RBFOX1: variants seen among roughly 807,000 people sequenced by gnomAD.
RBFOX1 encodes RNA binding protein fox-1 homolog 1.
RBFOX1 carries 8 observed loss-of-function variants against 57.7 expected under a neutral mutation model. That is an observed-to-expected ratio of 0.14 (90% CI 0.08 to 0.25). The LOEUF (loss-of-function observed/expected upper bound fraction) is 0.25. Ranked by LOEUF, RBFOX1 falls within the 10% of genes least tolerant of loss-of-function variation. The pLI is 1.00. For synonymous variants in RBFOX1, 326 were observed against 222.4 expected, an observed-to-expected ratio of 1.47 and a Z score of -4.15; for missense variants, 611 against 548.5, an observed-to-expected ratio of 1.11 and a Z score of -1.14.
intron 1 of RBFOX1, among the ~76,000 whole-genome samples, chr16:5,407,817 G>A (rs2066906896): frequency 6.6e-6 from 1 of 152,218 alleles, no homozygotes; most frequent in African/African-American, 2.4e-5. Flanking sequence ...CCAAAGTGCT[G>A]GGATTACAGG....
At chr16:6,442,367 C>G (rs73538160) in intron 2 of RBFOX1, among the ~76,000 whole-genome samples, 3,866 of 152,168 alleles carry the variant, frequency 0.025, 188 homozygotes, top group African/African-American at 0.089. Context: ...ACCATCCAGA[C>G]CAACATGGTG....
chr16:6,468,495 G>C lies in RBFOX1; in HGVS notation c.-64+151438G>C, dbSNP rs79113923. Among the ~76,000 whole-genome samples, 867 of 152,250 alleles carry C rather than the reference G, an allele frequency of 5.7e-3. 31 individuals carry two copies. The East Asian group carries it at 0.12, about 21-fold the overall frequency. On this transcript the variant is annotated intron_variant, in intron 2 of 15. Coordinates refer to ENST00000550418, the MANE Select transcript of RBFOX1 (RefSeq NM_018723.4). The stretch of plus-strand genomic sequence containing the variant: ...AAACAGAATTAAGTCTAGAGATTAT[G>C]AGTGATGCATCATTGTCACTCAAAC...
chr16:6,513,521 G>C (rs527956439), intron 2 of RBFOX1, among the ~76,000 whole-genome samples: 1 of 152,168 alleles, frequency 6.6e-6, no homozygotes, highest in East Asian at 1.9e-4. Context: ...ATCACCTGAG[G>C]TCAGGAGTTC....
chr16:7,388,875 A>C (rs1233549976), intron 4 of RBFOX1, among the ~76,000 whole-genome samples: 1 of 152,060 alleles, frequency 6.6e-6, no homozygotes, highest in Non-Finnish European at 1.5e-5. Context: ...ATGGAATGCA[A>C]TTTTGATAGA....
chr16:5,883,505 C>T lies in RBFOX1; in HGVS notation c.351+16170C>T, dbSNP rs577461132. On this transcript the variant is annotated intron_variant, in intron 4 of 19. Coordinates refer to the RBFOX1 transcript ENST00000641259. ...AAACTGTCTCGGAGGAACCTGCAATCCCAGATACGGGTGGCAAACCCACAG... is the reference window on the plus strand; with the variant it reads ...AAACTGTCTCGGAGGAACCTGCAATTCCAGATACGGGTGGCAAACCCACAG... Among the ~76,000 whole-genome samples the T allele has an allele frequency of 1.5e-4, 18 of 123,404 alleles. No individual in the cohort carries two copies. The South Asian group carries it at 2.7e-3, about 19-fold the overall frequency. The allele number at this position is 123,404 out of a possible 152,430, so 81.0% of individuals were successfully genotyped here.
chr16:5,572,456 C>A (rs1214049632), intron 2 of RBFOX1, among the ~76,000 whole-genome samples: 1 of 152,076 alleles, frequency 6.6e-6, no homozygotes, highest in Non-Finnish European at 1.5e-5. Flanking sequence ...GTGGGAGGCT[C>A]TTCTGTACGT....
At position 5,809,261 on chromosome 16, in the gene RBFOX1, A is replaced by G. The variant is rs536727014; in HGVS notation, c.319-58042A>G. On this transcript the variant is annotated intron_variant, in intron 3 of 19. Transcript: ENST00000641259. ...GCATTACCATTCAGGACATAGGCACAGGCAAGGACTTCAAGTCTAAAACAC... is the reference window on the plus strand; with the variant it reads ...GCATTACCATTCAGGACATAGGCACGGGCAAGGACTTCAAGTCTAAAACAC... Among the ~76,000 whole-genome samples the G allele has an allele frequency of 4.6e-5, 7 of 152,314 alleles. No individual in the cohort carries two copies. The East Asian group carries it at 1.2e-3, about 25-fold the overall frequency.
At chr16:7,645,102 C>G (rs543858856) in intron 11 of RBFOX1, among the ~76,000 whole-genome samples, 71 of 152,080 alleles carry the variant, frequency 4.7e-4, no homozygotes, top group East Asian at 3.1e-3. Flanking sequence ...TCTTTTTTTT[C>G]CCTTTCAAAA....
In RBFOX1 at chr16:5,506,074, G is replaced by T. The variant is rs142919245; in HGVS notation, c.258+38820G>T. Among the ~76,000 whole-genome samples, 17 of 152,232 alleles carry T rather than the reference G, an allele frequency of 1.1e-4. No homozygotes were observed. In the East Asian group the frequency reaches 3.3e-3, roughly 29 times the overall value. On this transcript the variant is annotated intron_variant, in intron 2 of 2. Transcript: ENST00000585867. ...ACTCTGAAACCTCACCAGAAATGAG[G>T]AGCCCTTCCCTTGCCTTTGAGCCCA...
chr16:6,085,046 T>C (rs1230937104), intron 1 of RBFOX1, among the ~76,000 whole-genome samples: 1 of 152,190 alleles, frequency 6.6e-6, no homozygotes, highest in East Asian at 1.9e-4. Flanking sequence ...GCGTGCGTGC[T>C]TCATTCATTC....
At chr16:5,316,047 T>C (rs917340420) in intron 1 of RBFOX1, among the ~76,000 whole-genome samples, 1 of 152,200 alleles carries the variant, frequency 6.6e-6, no homozygotes, top group African/African-American at 2.4e-5. Flanking sequence ...CTCTCCTTGC[T>C]GTCTCTGCTC....
At chr16:7,218,410 A>T (rs1304815105) in intron 4 of RBFOX1, among the ~76,000 whole-genome samples, 1 of 152,080 alleles carries the variant, frequency 6.6e-6, no homozygotes, top group African/African-American at 2.4e-5. Context: ...GAAGATAGAG[A>T]TGGTGAAAGA....
chr16:7,545,487 C>G (rs1438905883), intron 5 of RBFOX1, among the ~76,000 whole-genome samples: 1 of 152,278 alleles, frequency 6.6e-6, no homozygotes, highest in East Asian at 1.9e-4. Context: ...ACCCCCCGAC[C>G]TTCCCTGCAG....
chr16:7,544,371 C>A (rs886488462), intron 5 of RBFOX1, among the ~76,000 whole-genome samples: 3 of 152,140 alleles, frequency 2.0e-5, no homozygotes, highest in Non-Finnish European at 4.4e-5. Context: ...AAATTTATGT[C>A]CACTTGGAAC....
At chr16:5,439,437 A>C (rs879801514) in intron 1 of RBFOX1, among the ~76,000 whole-genome samples, 18 of 152,202 alleles carry the variant, frequency 1.2e-4, no homozygotes, top group Admixed American at 1.0e-3. Context: ...AAGTAAAAAT[A>C]GCTCAGCTGT....
At chr16:6,365,979 G>GT (rs138657796) in intron 2 of RBFOX1, among the ~76,000 whole-genome samples, 46 of 147,644 alleles carry the variant, frequency 3.1e-4, no homozygotes, top group East Asian at 5.9e-4. Flanking sequence ...TTCTCTGGGT[G>GT]TTTTTTTTTT....
chr16:7,322,031 AAC>A (rs1441286501), intron 4 of RBFOX1, among the ~76,000 whole-genome samples: 1 of 152,202 alleles, frequency 6.6e-6, no homozygotes, highest in African/African-American at 2.4e-5. Context: ...AGTCTCTGAA[AAC>A]ACAGTTTTAT....
rs144344876 is a variant in RBFOX1, at chr16:5,390,172, TTTTAA to T, written c.220-77040_220-77036del. Among the ~76,000 whole-genome samples, 713 of 152,310 alleles carry T rather than the reference TTTTAA, an allele frequency of 4.7e-3. 6 individuals carry two copies. Among genetic ancestry groups the T allele is most frequent in the African/African-American group, 0.017 (687 of 41,566 alleles). The stretch of plus-strand genomic sequence containing the variant: ...GTTAGGAAAATTTGCTCTTGACAAC[TTTTAA>T]TTTCACAATATATTTTTATGCACTA... On this transcript the variant is annotated intron_variant, in intron 1 of 2. Coordinates refer to the RBFOX1 transcript ENST00000585867.
At chr16:6,450,343 T>A (rs946819268) in intron 2 of RBFOX1, among the ~76,000 whole-genome samples, 2 of 152,150 alleles carry the variant, frequency 1.3e-5, no homozygotes, top group African/African-American at 2.4e-5. Flanking sequence ...TCAAAAATTG[T>A]CACTATCCTG....
Sources: gnomAD v4.1 joint callset for allele counts (sites outside exome capture counted in the v4.1 genomes callset) on GRCh38, gnomAD v4.1.1 for gene constraint, MANE v1.5 for transcripts, NCBI Gene and HGNC (gene_info 2026-07-23, HGNC 2026-07-21) for gene names.